The following EDA variants were observed in gnomAD, a reference collection of about 807,000 sequenced individuals.
The protein encoded by EDA is ectodysplasin A, also known as ectodysplasin-A.
In EDA, 2 loss-of-function variants were observed where a neutral mutation model predicts 23.6. The observed-to-expected ratio is 0.08, with a 90% CI of 0.03 to 0.27. EDA has a LOEUF of 0.27. Ranked by LOEUF, EDA falls within the 10% of genes least tolerant of loss-of-function variation. EDA has a pLI of 1.00. For synonymous variants in EDA, 131 were observed against 132.0 expected (o/e 0.99, Z 0.05); for missense variants, 229 against 324.2 (o/e 0.71, Z 2.26).
chrX:70,001,679 T>G (rs1569398054), intron 2 of EDA, among the ~76,000 whole-genome samples: 1 of 112,831 alleles, frequency 8.9e-6, no homozygotes, highest in Non-Finnish European at 1.9e-5. Flanking sequence ...TTAACACATC[T>G]CAACTACTGA....
chrX:69,824,939 G>C (rs1156483294), intron 1 of EDA, among the ~76,000 whole-genome samples: 38 of 82,368 alleles, frequency 4.6e-4, no homozygotes, highest in Middle Eastern at 5.4e-3. Context: ...GGCCTTTTCT[G>C]CATCTATTGA....
intron 1 of EDA, among the ~76,000 whole-genome samples, chrX:69,953,025 G>A (rs1395229579): frequency 8.9e-5 from 10 of 111,781 alleles, no homozygotes; most frequent in Non-Finnish European, 1.9e-5. Flanking sequence ...TAGAACTTGG[G>A]TGTATGATAG....
intron 1 of EDA, among the ~76,000 whole-genome samples, chrX:69,696,747 A>G (rs1335731993): frequency 2.7e-5 from 3 of 112,385 alleles, no homozygotes; most frequent in Non-Finnish European, 3.8e-5. Context: ...TGCATTTCAT[A>G]ATTTCTAGAA....
chrX:69,977,695 GT>G (rs2019336791), intron 2 of EDA, among the ~76,000 whole-genome samples: 1 of 111,719 alleles, frequency 9.0e-6, no homozygotes, highest in Non-Finnish European at 1.9e-5. Flanking sequence ...CACATTTTTA[GT>G]TTGCTTTTGC....
At chrX:69,870,695 G>T (rs756243838) in intron 1 of EDA, among the ~76,000 whole-genome samples, 1 of 111,455 alleles carries the variant, frequency 9.0e-6, no homozygotes. Flanking sequence ...GTCCTCCCAC[G>T]CATCCCCATT....
intron 1 of EDA, among the ~76,000 whole-genome samples, chrX:69,775,510 T>C (rs1445488149): frequency 8.9e-6 from 1 of 111,736 alleles, no homozygotes; most frequent in Non-Finnish European, 1.9e-5. Context: ...CCAGTATTTG[T>C]AAAAACTTTT....
chrX:69,856,254 G>GGTGTGTGTGTGTGTGT (rs202079519), intron 1 of EDA, among the ~76,000 whole-genome samples: 8 of 74,952 alleles, frequency 1.1e-4, no homozygotes, highest in Non-Finnish European at 1.5e-4. Context: ...AGTATTCCAT[G>GGTGTGTGTGTGTGTGT]GTGTGTGTGT....
chrX:69,961,407 A>G (rs1293149423), intron 2 of EDA, among the ~76,000 whole-genome samples: 1 of 112,444 alleles, frequency 8.9e-6, no homozygotes, highest in African/African-American at 3.2e-5. Context: ...TAGGAGCTGC[A>G]TAGGTTCACC....
rs115510221 is a variant in EDA, at chrX:69,904,244, A to T, written c.397-52783A>T. Among the ~76,000 whole-genome samples the T allele has an allele frequency of 5.1e-3, 578 of 112,417 alleles. 2 individuals carry two copies. The highest frequency in any genetic ancestry group is 0.017 in the African/African-American group (533 of 30,946). The stretch of plus-strand genomic sequence containing the variant: ...TCAATTCTTCTAGTTATTTTGAAAT[A>T]TACAAGAATTATTGTTAACTATAAT... On this transcript the variant is annotated intron_variant, in intron 1 of 7. Transcript: ENST00000374552.
intron 1 of EDA, among the ~76,000 whole-genome samples, chrX:69,674,150 C>G (rs1416465894): frequency 9.2e-6 from 1 of 108,373 alleles, no homozygotes; most frequent in Non-Finnish European, 1.9e-5. Context: ...TATCTATCAT[C>G]ATAATACATA....
rs187027805 is a variant in EDA, at chrX:69,811,694, T to C, written c.397-145333T>C. Among the ~76,000 whole-genome samples the C allele has an allele frequency of 1.7e-4, 19 of 112,393 alleles. No homozygotes were observed. The East Asian group carries it at 5.0e-3, about 30-fold the overall frequency. On this transcript the variant is annotated intron_variant, in intron 1 of 7. Transcript: ENST00000374552. ...ATGTCAAGACCAATGATGCCACACA[T>C]GCAGTAAAAAAGGCATGAGAAGGTT...
intron 1 of EDA, among the ~76,000 whole-genome samples, chrX:69,792,477 A>G (rs2015430229): frequency 8.9e-6 from 1 of 111,973 alleles, no homozygotes; most frequent in Non-Finnish European, 1.9e-5. Flanking sequence ...TCCTTTGGGT[A>G]TATACCCAGT....
intron 1 of EDA, among the ~76,000 whole-genome samples, chrX:69,723,474 GA>G (rs753336372): frequency 8.9e-6 from 1 of 111,836 alleles, no homozygotes; most frequent in East Asian, 2.8e-4. Flanking sequence ...TTCTGAACAG[GA>G]ATCATATCTA....
intron 1 of EDA, among the ~76,000 whole-genome samples, chrX:69,830,443 G>A (rs1432683706): frequency 1.8e-5 from 2 of 111,524 alleles, no homozygotes; most frequent in Non-Finnish European, 3.8e-5. Flanking sequence ...CGTTGTATAT[G>A]TTATTATTAT....
At chrX:69,674,315 G>C (rs1934007924) in intron 1 of EDA, among the ~76,000 whole-genome samples, 1 of 111,609 alleles carries the variant, frequency 9.0e-6, no homozygotes, top group African/African-American at 3.3e-5. Context: ...ACATAGGAGG[G>C]ACTCCATAAT....
At chrX:69,957,708 A>G (rs1264847925) in intron 2 of EDA, among the ~76,000 whole-genome samples, 1 of 110,622 alleles carries the variant, frequency 9.0e-6, no homozygotes, top group African/African-American at 3.3e-5. Context: ...TATCTCTCAA[A>G]ATCACCCTCT....
intron 1 of EDA, among the ~76,000 whole-genome samples, chrX:69,719,715 T>TACACAC (rs35200750): frequency 2.9e-5 from 3 of 102,671 alleles, no homozygotes; most frequent in Non-Finnish European, 4.0e-5. Context: ...TATTCCGTTA[T>TACACAC]ACACACACAC....
chrX:69,833,437 T>C (rs1356768374), intron 1 of EDA, among the ~76,000 whole-genome samples: 2 of 111,222 alleles, frequency 1.8e-5, no homozygotes, highest in African/African-American at 6.5e-5. Flanking sequence ...GGATTCGGTT[T>C]GCCATTATAT....
At chrX:69,918,702 G>A (rs897401036) in intron 1 of EDA, among the ~76,000 whole-genome samples, 4 of 111,409 alleles carry the variant, frequency 3.6e-5, no homozygotes, top group Non-Finnish European at 5.7e-5. Context: ...GGTGGTATCC[G>A]TACACACAGA....
Sources: gnomAD v4.1 joint callset for allele counts (sites outside exome capture counted in the v4.1 genomes callset) on GRCh38, gnomAD v4.1.1 for gene constraint, MANE v1.5 for transcripts, NCBI Gene and HGNC (gene_info 2026-07-23, HGNC 2026-07-21) for gene names.